The following PTPRD variants were observed in gnomAD, a reference collection of about 807,000 sequenced individuals.
PTPRD encodes receptor-type tyrosine-protein phosphatase delta.
PTPRD carries 34 observed loss-of-function variants against 214.5 expected under a neutral mutation model. The ratio of observed to expected loss-of-function variants is 0.16; its 90% CI spans 0.12 to 0.21. The LOEUF (loss-of-function observed/expected upper bound fraction) is 0.21, where lower values mean the gene tolerates loss of function less well. PTPRD is among the 10% of genes least tolerant of loss of function. The pLI is 1.00. For missense variants in PTPRD, 2,545 were observed against 2,398.7 expected (o/e 1.06, Z -1.27); for synonymous variants, 1,128 against 845.7 (o/e 1.33, Z -5.79).
chr9:9,629,295 ATAT>A (rs963602965), intron 7 of PTPRD, among the ~76,000 whole-genome samples: 1 of 150,542 alleles, frequency 6.6e-6, no homozygotes, highest in African/African-American at 2.4e-5. Context: ...GTGTATATAT[ATAT>A]TATATTTTAG....
intron 5 of PTPRD, among the ~76,000 whole-genome samples, chr9:9,922,032 G>A (rs760912103): frequency 6.6e-6 from 1 of 152,106 alleles, no homozygotes. Context: ...TGGGAAGCAG[G>A]TGGAGAAATG....
rs184869062 is a variant in PTPRD, at chr9:10,323,561, C to T, written c.-545+17402G>A. The stretch of plus-strand genomic sequence containing the variant: ...GCTCAAGAGATCCTCCTGCCTCGGC[C>T]TCCCAAAGTAACTGCAACTCTTTCT... On this transcript the variant is annotated intron_variant, in intron 3 of 45. Coordinates refer to ENST00000381196, the MANE Select transcript of PTPRD (RefSeq NM_002839.4). 2.7e-3 allele frequency among the ~76,000 whole-genome samples: 406 copies of T among 151,650 alleles called. 3 individuals carry two copies. Among genetic ancestry groups the T allele is most frequent in the African/African-American group, 9.4e-3 (387 of 41,382 alleles).
chr9:9,022,098 A>G (rs893889110), intron 10 of PTPRD, among the ~76,000 whole-genome samples: 3 of 152,214 alleles, frequency 2.0e-5, no homozygotes, highest in East Asian at 1.9e-4. Flanking sequence ...TATGTAACAA[A>G]CCTGCACATT....
At chr9:10,169,849 C>T (rs2099189431) in intron 3 of PTPRD, among the ~76,000 whole-genome samples, 1 of 152,066 alleles carries the variant, frequency 6.6e-6, no homozygotes, top group South Asian at 2.1e-4. Flanking sequence ...AAAGTAAAAT[C>T]CATGCTAGTA....
At chr9:10,510,533 G>T (rs958230328) in intron 2 of PTPRD, among the ~76,000 whole-genome samples, 1 of 151,856 alleles carries the variant, frequency 6.6e-6, no homozygotes, top group Non-Finnish European at 1.5e-5. Flanking sequence ...TCGGCATATC[G>T]CTTTTTTGTT....
chr9:9,466,346 A>G (rs949552511), intron 8 of PTPRD, among the ~76,000 whole-genome samples: 4 of 152,170 alleles, frequency 2.6e-5, no homozygotes, highest in Non-Finnish European at 4.4e-5. Flanking sequence ...AATCTAGCTT[A>G]TCTTCTTCCC....
At chr9:8,803,956 C>T (rs988099844) in intron 11 of PTPRD, among the ~76,000 whole-genome samples, 1 of 151,640 alleles carries the variant, frequency 6.6e-6, no homozygotes, top group African/African-American at 2.4e-5. Flanking sequence ...CTCACTTCTT[C>T]CCTCCACCCC....
chr9:8,966,546 T>C (rs1327585017), intron 11 of PTPRD, among the ~76,000 whole-genome samples: 2 of 152,082 alleles, frequency 1.3e-5, no homozygotes, highest in Non-Finnish European at 2.9e-5. Context: ...TTGAGACAAC[T>C]GGCCAGCCAT....
chr9:9,292,842 CT>C (rs1056521617), intron 9 of PTPRD, among the ~76,000 whole-genome samples: 8 of 146,858 alleles, frequency 5.4e-5, no homozygotes, highest in South Asian at 2.2e-4. Flanking sequence ...ATTTTCTGAG[CT>C]TTTTTGTTTG....
intron 44 of PTPRD, among the ~76,000 whole-genome samples, chr9:8,329,045 C>T (rs1197012131): frequency 6.6e-6 from 1 of 152,130 alleles, no homozygotes; most frequent in East Asian, 1.9e-4. Flanking sequence ...TTATCAAACT[C>T]ATTCTCTGTC....
intron 12 of PTPRD, among the ~76,000 whole-genome samples, chr9:8,646,914 A>G (rs574626041): frequency 6.8e-4 from 103 of 151,628 alleles, no homozygotes; most frequent in African/African-American, 2.4e-3. Flanking sequence ...TTGAGTATTT[A>G]GGACGGATAA....
chr9:10,340,134 G>A (rs750413793), intron 3 of PTPRD, among the ~76,000 whole-genome samples: 1 of 151,748 alleles, frequency 6.6e-6, no homozygotes, highest in Non-Finnish European at 1.5e-5. Context: ...AGTTAAAGTA[G>A]CCTCTGTCTT....
rs2056195413 is a variant in PTPRD, at chr9:10,531,214, G to C, written c.-600+81184C>G. Among the ~76,000 whole-genome samples, 3 of 152,072 alleles carry C rather than the reference G, an allele frequency of 2.0e-5. No individual in the cohort carries two copies. The South Asian group carries it at 6.2e-4, about 31-fold the overall frequency. ...ATCCGCCCTCCTCAGTCTCCCAAAT[G>C]GCTGGGATTGCAGGCATGAGCCACT... On this transcript the variant is annotated intron_variant, in intron 2 of 45. Coordinates refer to ENST00000381196, the MANE Select transcript of PTPRD (RefSeq NM_002839.4).
At chr9:10,381,399 C>G (rs1292832451) in intron 2 of PTPRD, among the ~76,000 whole-genome samples, 3 of 151,996 alleles carry the variant, frequency 2.0e-5, no homozygotes, top group Non-Finnish European at 4.4e-5. Context: ...ATTGCAGAAG[C>G]CTTCAGCGGA....
chr9:9,928,013 T>G (rs1323140858), intron 5 of PTPRD, among the ~76,000 whole-genome samples: 3 of 152,158 alleles, frequency 2.0e-5, no homozygotes, highest in Non-Finnish European at 4.4e-5. Flanking sequence ...CATATATTCT[T>G]AAATGACTAA....
At chr9:9,887,514 T>A (rs1219001281) in intron 5 of PTPRD, among the ~76,000 whole-genome samples, 1 of 152,134 alleles carries the variant, frequency 6.6e-6, no homozygotes. Flanking sequence ...CAGCTGATCT[T>A]ATGGTAAAGC....
At chr9:8,571,671 A>C (rs1343590734) in intron 14 of PTPRD, among the ~76,000 whole-genome samples, 1 of 152,162 alleles carries the variant, frequency 6.6e-6, no homozygotes, top group Non-Finnish European at 1.5e-5. Context: ...TTAGAAAAAC[A>C]ATATTTAATA....
intron 9 of PTPRD, among the ~76,000 whole-genome samples, chr9:9,326,582 A>T (rs1457497882): frequency 6.6e-6 from 1 of 152,052 alleles, no homozygotes; most frequent in East Asian, 1.9e-4. Context: ...AGAAAAATGA[A>T]AAGAATATAA....
At chr9:8,539,387 G>A (rs868203233) in intron 14 of PTPRD, among the ~76,000 whole-genome samples, 1 of 151,940 alleles carries the variant, frequency 6.6e-6, no homozygotes, top group Middle Eastern at 3.4e-3. Flanking sequence ...TATTAATTTA[G>A]AAAATAATGC....
Sources: allele counts gnomAD v4.1 joint callset (sites outside exome capture counted in the v4.1 genomes callset), GRCh38; gene constraint gnomAD v4.1.1; transcripts MANE v1.5; gene names NCBI Gene and HGNC (gene_info 2026-07-23, HGNC 2026-07-21).